Variants in CDH12 observed in about 807,000 individuals in gnomAD.
CDH12 encodes cadherin 12, also known as cadherin-12.
Under a neutral mutation model 74.1 loss-of-function variants are expected in CDH12, and 41 were observed. That is an observed-to-expected ratio of 0.55 (90% CI 0.43 to 0.72). CDH12 has a LOEUF of 0.72. CDH12 is among the 30% of genes least tolerant of loss of function. The probability of loss-of-function intolerance (pLI) is 0.00; values close to 1 mark genes in which losing one functional copy is unlikely to be tolerated. For missense variants in CDH12, 945 were observed against 977.2 expected (o/e 0.97, Z 0.44); for synonymous variants, 399 against 355.0 (o/e 1.12, Z -1.39).
intron 1 of CDH12, among the ~76,000 whole-genome samples, chr5:22,747,900 T>A (rs192777044): frequency 1.3e-5 from 2 of 152,296 alleles, no homozygotes; most frequent in African/African-American, 4.8e-5. Context: ...CTTTTCAAAT[T>A]CTTATATTCT....
chr5:22,285,783 T>C (rs1737108934), intron 3 of CDH12, among the ~76,000 whole-genome samples: 1 of 152,058 alleles, frequency 6.6e-6, no homozygotes, highest in East Asian at 1.9e-4. Flanking sequence ...CTTTGGAAAG[T>C]GTATTAAAAA....
intron 1 of CDH12, among the ~76,000 whole-genome samples, chr5:22,815,116 G>C (rs1203888080): frequency 1.3e-5 from 2 of 152,174 alleles, no homozygotes; most frequent in Non-Finnish European, 2.9e-5. Context: ...ATGGGTATTA[G>C]ATCCTGGAAT....
At chr5:22,700,542 T>C (rs1341312797) in intron 1 of CDH12, among the ~76,000 whole-genome samples, 1 of 152,246 alleles carries the variant, frequency 6.6e-6, no homozygotes, top group African/African-American at 2.4e-5. Context: ...ATATGTATAA[T>C]AACTTTTGGC....
chr5:21,909,696 T>C (rs530471620), intron 6 of CDH12, among the ~76,000 whole-genome samples: 28 of 152,236 alleles, frequency 1.8e-4, no homozygotes, highest in African/African-American at 2.9e-4. Context: ...AAAATAAACA[T>C]CATAAAAATC....
intron 4 of CDH12, among the ~76,000 whole-genome samples, chr5:22,165,474 CA>C (rs1748624729): frequency 6.9e-6 from 1 of 144,396 alleles, no homozygotes; most frequent in South Asian, 2.3e-4. Context: ...TCCAGCCTCC[CA>C]ACACACATAC....
chr5:22,173,829 T>G (rs563556068), intron 4 of CDH12, among the ~76,000 whole-genome samples: 1 of 151,992 alleles, frequency 6.6e-6, no homozygotes, highest in Non-Finnish European at 1.5e-5. Context: ...TATGATAAAG[T>G]ACGCTTAAAG....
chr5:22,842,440 C>A (rs532966931), intron 1 of CDH12, among the ~76,000 whole-genome samples: 1 of 152,094 alleles, frequency 6.6e-6, no homozygotes, highest in African/African-American at 2.4e-5. Flanking sequence ...AGACATGGCC[C>A]ATTAGAGTGT....
At chr5:21,979,215 G>A (rs1166008422) in intron 5 of CDH12, among the ~76,000 whole-genome samples, 6 of 152,022 alleles carry the variant, frequency 3.9e-5, no homozygotes, top group African/African-American at 7.3e-5. Flanking sequence ...TTTCTGAGTC[G>A]GTGCTGACTA....
At chr5:21,788,178 A>G (rs1185552965) in intron 10 of CDH12, among the ~76,000 whole-genome samples, 1 of 152,140 alleles carries the variant, frequency 6.6e-6, no homozygotes, top group Admixed American at 6.6e-5. Flanking sequence ...TGAAAGAGAG[A>G]TAGTAGAGAA....
At chr5:21,818,824 C>T (rs1205176239) in intron 8 of CDH12, among the ~76,000 whole-genome samples, 2 of 151,682 alleles carry the variant, frequency 1.3e-5, no homozygotes, top group Non-Finnish European at 2.9e-5. Context: ...CATTATAGAC[C>T]TAACAACAAC....
At chr5:22,603,242 A>G (rs1396249718) in intron 1 of CDH12, among the ~76,000 whole-genome samples, 1 of 152,006 alleles carries the variant, frequency 6.6e-6, no homozygotes, top group Non-Finnish European at 1.5e-5. Flanking sequence ...CAACTATTGA[A>G]AAAAAATAAA....
intron 6 of CDH12, among the ~76,000 whole-genome samples, chr5:21,888,806 T>C (rs1034167686): frequency 6.6e-6 from 1 of 152,052 alleles, no homozygotes; most frequent in Non-Finnish European, 1.5e-5. Context: ...CTAAATATTA[T>C]TGATGTGCTT....
chr5:21,921,445 A>T (rs16899345), intron 6 of CDH12, among the ~76,000 whole-genome samples: 23,055 of 152,074 alleles, frequency 0.15, 2,028 homozygotes, highest in African/African-American at 0.23. Flanking sequence ...CTTTTAAAAC[A>T]ATTTTTTTCT....
At chr5:22,080,870 C>T (rs1332727132) in intron 4 of CDH12, among the ~76,000 whole-genome samples, 1 of 152,044 alleles carries the variant, frequency 6.6e-6, no homozygotes, top group Non-Finnish European at 1.5e-5. Flanking sequence ...ATCTCCGCCT[C>T]CTGGGTTCAA....
At chr5:22,127,477 C>CG (rs1745943137) in intron 4 of CDH12, among the ~76,000 whole-genome samples, 1 of 97,330 alleles carries the variant, frequency 1.0e-5, no homozygotes, top group Non-Finnish European at 2.1e-5. Flanking sequence ...AACTCCATCT[C>CG]GAAAAAAAAA....
chr5:22,654,270 CTTTT>C, intron 1 of CDH12, among the ~76,000 whole-genome samples: 1 of 140,220 alleles, frequency 7.1e-6, no homozygotes, highest in South Asian at 2.3e-4. Flanking sequence ...TGCTTTCTTT[CTTTT>C]ACGTATTTCT....
intron 1 of CDH12, among the ~76,000 whole-genome samples, chr5:22,750,283 T>C (rs894092237): frequency 1.3e-5 from 2 of 152,142 alleles, no homozygotes; most frequent in Non-Finnish European, 2.9e-5. Context: ...TCGCATGCTG[T>C]AGAGCCTTGA....
intron 3 of CDH12, among the ~76,000 whole-genome samples, chr5:22,333,856 A>G (rs1181883445): frequency 6.6e-6 from 1 of 152,244 alleles, no homozygotes; most frequent in African/African-American, 2.4e-5. Flanking sequence ...GTGGTACATC[A>G]TATCAACAGA....
chr5:22,405,750 T>C (rs181111948), intron 2 of CDH12, among the ~76,000 whole-genome samples: 2 of 152,328 alleles, frequency 1.3e-5, no homozygotes, highest in Admixed American at 1.3e-4. Flanking sequence ...AAGCCAGCAC[T>C]GTAATGACAT....
Sources: gnomAD v4.1 joint callset for allele counts (sites outside exome capture counted in the v4.1 genomes callset) on GRCh38, gnomAD v4.1.1 for gene constraint, MANE v1.5 for transcripts, NCBI Gene and HGNC (gene_info 2026-07-23, HGNC 2026-07-21) for gene names.